Variants in EIF3J observed in about 807,000 individuals in gnomAD.
EIF3J encodes the protein eukaryotic translation initiation factor 3 subunit J.
EIF3J carries 15 observed loss-of-function variants against 39.0 expected under a neutral mutation model. The ratio of observed to expected loss-of-function variants is 0.38; its 90% CI spans 0.26 to 0.59. EIF3J has a LOEUF of 0.59. Ranked by LOEUF, EIF3J falls within the 20% of genes least tolerant of loss-of-function variation. EIF3J has a pLI of 0.60. For missense variants in EIF3J, 226 were observed against 308.6 expected, an observed-to-expected ratio of 0.73 and a Z score of 2.00; for synonymous variants, 98 against 112.9, an observed-to-expected ratio of 0.87 and a Z score of 0.84.
At chr15:44,543,168 C>CT (rs1256996828) in intron 2 of EIF3J, among the ~76,000 whole-genome samples, 3 of 152,192 alleles carry the variant, frequency 2.0e-5, no homozygotes, top group Non-Finnish European at 2.9e-5. Flanking sequence ...AACAAAAACT[C>CT]TAACTTCCTG....
chr15:44,548,220 G>A (rs1220953040), intron 2 of EIF3J, among the ~76,000 whole-genome samples: 1 of 152,184 alleles, frequency 6.6e-6, no homozygotes, highest in Non-Finnish European at 1.5e-5. Context: ...TTCGAGACCA[G>A]CCTGGTCAAC....
chr15:44,540,260 TA>T (rs1567115204), intron 2 of EIF3J, among the ~76,000 whole-genome samples: 93 of 53,490 alleles, frequency 1.7e-3, no homozygotes, highest in Middle Eastern at 9.8e-3. Flanking sequence ...TATATATATA[TA>T]TATATATTTT....
chr15:44,545,002 C>CA (rs201451152), intron 2 of EIF3J, among the ~76,000 whole-genome samples: 3,229 of 114,302 alleles, frequency 0.028, 67 homozygotes, highest in African/African-American at 0.071. Flanking sequence ...GACTCCATCT[C>CA]AAAAAAAAAA....
chr15:44,561,345 A>C lies in EIF3J; in HGVS notation c.*196A>C, dbSNP rs1303899122. 4.0e-6 allele frequency: 2 copies of C among 498,820 alleles called. No individual in the cohort carries two copies. The highest frequency in any genetic ancestry group is 1.9e-5 in the African/African-American group (1 of 51,572). The allele number at this position is 498,820 out of a possible 1,614,324, so 30.9% of individuals were successfully genotyped here. A position where few individuals can be genotyped will look rare whatever the true frequency, so the allele number is the denominator to read the frequency against. On this transcript the variant is annotated 3_prime_UTR_variant, in exon 8 of 8. Coordinates refer to ENST00000261868, the MANE Select transcript of EIF3J (RefSeq NM_003758.4). ...TTGGATCTTGCTGCCAAGGGGTTAA[A>C]ATTGGGAACCTAAGTTGCTACTAAA...
At chr15:44,557,768 GT>G in intron 6 of EIF3J, 118 bp downstream of exon 6, 2 of 700,044 alleles carry the variant, frequency 2.9e-6, no homozygotes, top group Non-Finnish European at 2.1e-6. Flanking sequence ...ATGATTTGCT[GT>G]TTTTAGCAAT....
chr15:44,560,895 C>T (rs2082187640), intron 7 of EIF3J, 123 bp from the exon 8 acceptor site: 3 of 1,326,080 alleles, frequency 2.3e-6, no homozygotes, highest in African/African-American at 3.0e-5. Context: ...GCTCGGATGT[C>T]CCTTACAGAA....
At chr15:44,552,539 C>T (rs2082108401) in intron 4 of EIF3J, among the ~76,000 whole-genome samples, 1 of 151,888 alleles carries the variant, frequency 6.6e-6, no homozygotes, top group Non-Finnish European at 1.5e-5. Context: ...GCCACCACGT[C>T]CAGCCTATTT....
intron 6 of EIF3J, 89 bp from the exon 7 acceptor site, chr15:44,560,160 A>C (rs2082179681): frequency 1.0e-6 from 1 of 988,718 alleles, no homozygotes; most frequent in East Asian, 2.5e-5. Flanking sequence ...TTTGGGATAT[A>C]TAGATATATA....
At chr15:44,558,534 A>C (rs1299129802) in intron 6 of EIF3J, among the ~76,000 whole-genome samples, 1 of 152,068 alleles carries the variant, frequency 6.6e-6, no homozygotes. Context: ...GTCTCAAAAA[A>C]AAAAAAGCAA....
At chr15:44,550,698 T>C (rs2082091658) in intron 2 of EIF3J, 178 bp from the exon 3 acceptor site, 1 of 481,856 alleles carries the variant, frequency 2.1e-6, no homozygotes, top group Non-Finnish European at 3.8e-6. Flanking sequence ...ACAGTTCTTA[T>C]TCTTGGTTAG....
chr15:44,543,909 A>G (rs2082031785), intron 2 of EIF3J, among the ~76,000 whole-genome samples: 1 of 151,846 alleles, frequency 6.6e-6, no homozygotes, highest in Admixed American at 6.6e-5. Context: ...GGTGGGGGTT[A>G]TGTTTTTCTG....
At chr15:44,560,424 G>A (rs1184697664) in intron 7 of EIF3J, 102 bp downstream of exon 7, 1 of 1,086,696 alleles carries the variant, frequency 9.2e-7, no homozygotes, top group South Asian at 1.4e-5. Context: ...TAAAAGTCAA[G>A]CAACTCACTA....
At chr15:44,553,046 C>T (rs1004031192) in intron 4 of EIF3J, among the ~76,000 whole-genome samples, 1 of 151,594 alleles carries the variant, frequency 6.6e-6, no homozygotes, top group Non-Finnish European at 1.5e-5. Flanking sequence ...ATAAGCTGGG[C>T]GTGGTGGTAC....
At chr15:44,547,563 C>T (rs2140894814) in intron 2 of EIF3J, among the ~76,000 whole-genome samples, 1 of 151,458 alleles carries the variant, frequency 6.6e-6, no homozygotes, top group South Asian at 2.1e-4. Context: ...GATTCTCCTG[C>T]CTCAGCCCCC....
At chr15:44,553,479 G>A (rs1302824295) in intron 4 of EIF3J, among the ~76,000 whole-genome samples, 5 of 150,462 alleles carry the variant, frequency 3.3e-5, no homozygotes, top group Non-Finnish European at 7.4e-5. Flanking sequence ...GCGACAGAGC[G>A]AGACTCCATC....
chr15:44,559,897 C>T (rs2082177767), intron 6 of EIF3J, among the ~76,000 whole-genome samples: 1 of 151,984 alleles, frequency 6.6e-6, no homozygotes, highest in Non-Finnish European at 1.5e-5. Flanking sequence ...TTGGTGATTA[C>T]AGGTCGTCAT....
chr15:44,560,284 C>T lies in EIF3J; in HGVS notation c.607C>T (p.Leu203=). Residue 203 remains leucine, a synonymous_variant, in exon 7 of 8, where the codon CTG becomes TTG. Transcript: ENST00000261868. ...TGACTTGAAAAAAATTACCAATTCA[C>T]TGACTGTGCTTTGCAGTGAAAAACA... ...IDDLKKITNS[L]TVLCSEKQKQ... The T allele has an allele frequency of 6.2e-7, 1 of 1,608,624 alleles. No homozygotes were observed. Among genetic ancestry groups the T allele is most frequent in the Non-Finnish European group, 8.5e-7 (1 of 1,177,986 alleles).
intron 2 of EIF3J, among the ~76,000 whole-genome samples, chr15:44,549,361 A>C (rs2082079891): frequency 6.6e-6 from 1 of 152,004 alleles, no homozygotes; most frequent in African/African-American, 2.4e-5. Context: ...ATTGCACTCC[A>C]GCTTGGGCAA....
chr15:44,544,746 C>T (rs1475799344), intron 2 of EIF3J, among the ~76,000 whole-genome samples: 1 of 148,416 alleles, frequency 6.7e-6, no homozygotes, highest in African/African-American at 2.5e-5. Flanking sequence ...CCAGGCACGC[C>T]TGTAATCCCA....
Sources: gnomAD v4.1 joint callset for allele counts (sites outside exome capture counted in the v4.1 genomes callset) on GRCh38, gnomAD v4.1.1 for gene constraint, MANE v1.5 for transcripts, NCBI Gene and HGNC (gene_info 2026-07-23, HGNC 2026-07-21) for gene names.